Variants in ACER1 observed in about 807,000 individuals in gnomAD.
ACER1 encodes CTB-180A7.3.
ACER1 carries 28 observed loss-of-function variants against 24.9 expected under a neutral mutation model. That is an observed-to-expected ratio of 1.13 (90% CI 0.83 to 1.54). ACER1 has a LOEUF of 1.54. Ranked by LOEUF, ACER1 falls within the 40% of genes most tolerant of loss-of-function variation. The pLI, the probability that ACER1 is intolerant of heterozygous loss-of-function variation, is 0.00. For synonymous variants in ACER1, 132 were observed against 131.4 expected, an observed-to-expected ratio of 1.00 and a Z score of -0.03; for missense variants, 352 against 349.3, an observed-to-expected ratio of 1.01 and a Z score of -0.06.
chr19:6,339,847 AGT>A, the ACER1 span, among the ~76,000 whole-genome samples: 1 of 151,776 alleles, frequency 6.6e-6, no homozygotes, highest in African/African-American at 2.4e-5. Context: ...TTGTATTTTT[AGT>A]AGAGACGGGG....
chr19:6,350,158 A>C, the ACER1 span, among the ~76,000 whole-genome samples: 1 of 150,184 alleles, frequency 6.7e-6, no homozygotes, highest in African/African-American at 2.5e-5. Context: ...AAAGAAGGGA[A>C]GGGAAGGAGA....
the ACER1 span, among the ~76,000 whole-genome samples, chr19:6,340,757 G>A: frequency 2.0e-5 from 3 of 152,106 alleles, no homozygotes; most frequent in African/African-American, 7.2e-5. Flanking sequence ...GGAGGACAGA[G>A]CAGCCAGGAA....
chr19:6,347,109 A>AAAAAATATATATATATAT, the ACER1 span, among the ~76,000 whole-genome samples: 12 of 113,772 alleles, frequency 1.1e-4, no homozygotes, highest in African/African-American at 5.1e-4. Context: ...AAAAAAAAAA[A>AAAAAATATATATATATAT]ATATATATAT....
At chr19:6,313,495 C>T (rs1159279138) in intron 1 of ACER1, among the ~76,000 whole-genome samples, 1 of 152,196 alleles carries the variant, frequency 6.6e-6, no homozygotes, top group Non-Finnish European at 1.5e-5. Flanking sequence ...CATTTCCCAG[C>T]CTTCGCTGCA....
chr19:6,308,528 C>G (rs1003620353), intron 4 of ACER1, among the ~76,000 whole-genome samples: 3 of 152,054 alleles, frequency 2.0e-5, no homozygotes, highest in Admixed American at 6.6e-5. Context: ...TATGCCCCAC[C>G]CCACCCCATG....
chr19:6,332,442 T>A (rs1198707024), intron 1 of ACER1, among the ~76,000 whole-genome samples: 1 of 151,866 alleles, frequency 6.6e-6, no homozygotes, highest in African/African-American at 2.4e-5. Flanking sequence ...AGCTAATTTT[T>A]AAAAACTTTT....
At chr19:6,356,785 C>G in the ACER1 span, among the ~76,000 whole-genome samples, 1 of 151,646 alleles carries the variant, frequency 6.6e-6, no homozygotes, top group Non-Finnish European at 1.5e-5. Context: ...GTGGTCCCAG[C>G]TACTTGGTAG....
chr19:6,338,069 G>A (rs2091721977), upstream of ACER1, among the ~76,000 whole-genome samples: 1 of 150,148 alleles, frequency 6.7e-6, no homozygotes, highest in African/African-American at 2.5e-5. Context: ...CAAAAAGAGG[G>A]AAACCCTGTC....
In ACER1 at chr19:6,311,646, A is replaced by AAGGAGAAGGAGG. The variant is rs548297594; in HGVS notation, c.350+491_350+502dup. On this transcript the variant is annotated intron_variant, in intron 3 of 5. Coordinates refer to ENST00000301452, the MANE Select transcript of ACER1 (RefSeq NM_133492.3). ...GGAGGAGGAGGAGAAGAAGAAGAAG[A>AAGGAGAAGGAGG]AGGAGAAGGAGGAGGAGAAGGAGGA... Among the ~76,000 whole-genome samples the AAGGAGAAGGAGG allele has an allele frequency of 3.0e-3, 448 of 148,348 alleles. 2 individuals are homozygous for AAGGAGAAGGAGG. Among genetic ancestry groups the AAGGAGAAGGAGG allele is most frequent in the South Asian group, 6.7e-3 (31 of 4,618 alleles).
the ACER1 span, among the ~76,000 whole-genome samples, chr19:6,346,309 C>T: frequency 6.6e-6 from 1 of 151,894 alleles, no homozygotes; most frequent in Admixed American, 6.6e-5. Context: ...ATTCCTTCCT[C>T]CAAAAAAAAG....
Position 6,306,459 on chromosome 19 carries a change from A to C in ACER1, c.*255T>G. 2.3e-6 allele frequency: 1 copy of C among 430,656 alleles called. No homozygotes were observed. The highest frequency in any genetic ancestry group is 4.2e-6 in the Non-Finnish European group (1 of 235,764). The allele number at this position is 430,656 out of a possible 1,614,324, so 26.7% of individuals were successfully genotyped here. On this transcript the variant is annotated 3_prime_UTR_variant, in exon 6 of 6. Coordinates refer to ENST00000301452, the MANE Select transcript of ACER1 (RefSeq NM_133492.3). ...GGGAGGCTGTGGACACAGAGGAGGAAATGAAAGAGGATGGGGGGGGTCATG... is the reference window on the plus strand; with the variant it reads ...GGGAGGCTGTGGACACAGAGGAGGACATGAAAGAGGATGGGGGGGGTCATG...
Position 6,312,159 on chromosome 19 carries a change from C to T in ACER1, c.340G>A (p.Gly114Arg), listed in dbSNP as rs367873240. 2 of 1,613,730 alleles carry T rather than the reference C, an allele frequency of 1.2e-6. No individual in the cohort carries two copies. The highest frequency in any genetic ancestry group is 2.2e-5 in the East Asian group (1 of 44,868). The change falls in exon 3 of 6, where the codon GGG becomes AGG. Residue 114 changes from glycine to arginine, a missense_variant. Physicochemically the swap from Gly to Arg is moderately radical, Grantham distance 125 (BLOSUM62 -2). Transcript: ENST00000301452. ...CAGCCCCTGACCCACCTGTTCCCCCCAAGGAAGGAGGGGAAATAGCAGCGG... is the reference window on the plus strand; with the variant it reads ...CAGCCCCTGACCCACCTGTTCCCCCTAAGGAAGGAGGGGAAATAGCAGCGG... Reference protein sequence around the residue: ...MPRCYFPSFLGGNRSQFIRLV... With the variant: ...MPRCYFPSFLRGNRSQFIRLV...
At chr19:6,327,669 G>A (rs1223076876) in intron 1 of ACER1, among the ~76,000 whole-genome samples, 1 of 151,954 alleles carries the variant, frequency 6.6e-6, no homozygotes, top group East Asian at 1.9e-4. Flanking sequence ...CCACTGCCTT[G>A]TATCATGTGT....
chr19:6,322,564 C>G, intron 1 of ACER1, among the ~76,000 whole-genome samples: 1 of 152,132 alleles, frequency 6.6e-6, no homozygotes, highest in Middle Eastern at 3.2e-3. Flanking sequence ...CGGGTGTTTT[C>G]TTCTCCTGTA....
At chr19:6,314,119 T>C (rs1315391996) in intron 1 of ACER1, among the ~76,000 whole-genome samples, 1 of 143,280 alleles carries the variant, frequency 7.0e-6, no homozygotes, top group Non-Finnish European at 1.5e-5. Context: ...TAAATATATA[T>C]TGTGAATATA....
intron 4 of ACER1, 122 bp downstream of exon 4, chr19:6,309,575 T>C: frequency 7.7e-7 from 1 of 1,294,116 alleles, no homozygotes; most frequent in Non-Finnish European, 1.1e-6. Context: ...GTTCAAATCC[T>C]GGCCCTGCTA....
chr19:6,307,389 T>G, intron 4 of ACER1, 99 bp from the exon 5 acceptor site: 1 of 1,409,562 alleles, frequency 7.1e-7, no homozygotes, highest in Non-Finnish European at 9.6e-7. Flanking sequence ...GCTCAGAGGT[T>G]GGGAGAAGGG....
chr19:6,311,412 G>A (rs565951292), intron 3 of ACER1, among the ~76,000 whole-genome samples: 7 of 151,674 alleles, frequency 4.6e-5, no homozygotes, highest in African/African-American at 7.2e-5. Flanking sequence ...TGTGGTGGCA[G>A]GTGCCTGTAA....
At chr19:6,353,869 TAAATA>T in the ACER1 span, among the ~76,000 whole-genome samples, 223 of 149,106 alleles carry the variant, frequency 1.5e-3, no homozygotes, top group Non-Finnish European at 2.8e-3. Context: ...TAAAATAAAA[TAAATA>T]AAATAAAATA....
Sources: allele counts gnomAD v4.1 joint callset (sites outside exome capture counted in the v4.1 genomes callset), GRCh38; gene constraint gnomAD v4.1.1; transcripts MANE v1.5; gene names NCBI Gene and HGNC (gene_info 2026-07-23, HGNC 2026-07-21).